The following GRIN3A variants were observed in gnomAD, a reference collection of about 807,000 sequenced individuals.
GRIN3A encodes the protein glutamate receptor ionotropic, NMDA 3A.
A neutral mutation model predicts 92.4 loss-of-function variants in GRIN3A; 47 were observed. The ratio of observed to expected loss-of-function variants is 0.51; its 90% CI spans 0.40 to 0.65. GRIN3A has a LOEUF of 0.65. GRIN3A is among the 30% of genes least tolerant of loss of function. The pLI, the probability that GRIN3A is intolerant of heterozygous loss-of-function variation, is 0.00. For synonymous variants in GRIN3A, 527 were observed against 540.6 expected, an observed-to-expected ratio of 0.97 and a Z score of 0.35; for missense variants, 1,324 against 1,393.1, an observed-to-expected ratio of 0.95 and a Z score of 0.79.
At chr9:101,640,029 C>T (rs1828835079) in intron 3 of GRIN3A, among the ~76,000 whole-genome samples, 1 of 152,100 alleles carries the variant, frequency 6.6e-6, no homozygotes, top group African/African-American at 2.4e-5. Flanking sequence ...AGTGAGTGAG[C>T]CATTATTATG....
intron 3 of GRIN3A, among the ~76,000 whole-genome samples, chr9:101,649,448 T>C (rs543339953): frequency 1.3e-5 from 2 of 152,022 alleles, no homozygotes; most frequent in Non-Finnish European, 2.9e-5. Flanking sequence ...GTGGTTCCCA[T>C]GAGACAGGGC....
chr9:101,684,204 G>T lies in GRIN3A; in HGVS notation c.1304+2392C>A, dbSNP rs182729171. On this transcript the variant is annotated intron_variant, in intron 2 of 8. Transcript: ENST00000361820. ...TGCAACCTCTGCCTCCCAGGTTCAA[G>T]CGATTCTCCTGCATCAGCCTCCCAC... Among the ~76,000 whole-genome samples the T allele has an allele frequency of 9.9e-4, 148 of 150,172 alleles. No homozygotes were observed. The South Asian group carries it at 0.01, about 10-fold the overall frequency.
At chr9:101,651,668 G>GT in intron 3 of GRIN3A, among the ~76,000 whole-genome samples, 1 of 150,342 alleles carries the variant, frequency 6.7e-6, no homozygotes, top group Admixed American at 6.6e-5. Context: ...GTGTGTGTGT[G>GT]GTCATTCTTT....
intron 6 of GRIN3A, among the ~76,000 whole-genome samples, chr9:101,596,758 C>T (rs1828138876): frequency 1.3e-5 from 2 of 152,160 alleles, no homozygotes; most frequent in East Asian, 1.9e-4. Flanking sequence ...AGAAGCTTAA[C>T]ATGAAAGATA....
chr9:101,689,518 A>G (rs1161810849), intron 1 of GRIN3A, among the ~76,000 whole-genome samples: 1 of 152,234 alleles, frequency 6.6e-6, no homozygotes, highest in African/African-American at 2.4e-5. Context: ...TCATATAATC[A>G]CACTCACCCC....
chr9:101,724,775 C>G (rs1431141967), intron 1 of GRIN3A, among the ~76,000 whole-genome samples: 1 of 152,234 alleles, frequency 6.6e-6, no homozygotes, highest in Non-Finnish European at 1.5e-5. Flanking sequence ...GTGCCTTTCA[C>G]CTCCGGCTGT....
At position 101,587,397 on chromosome 9, in the gene GRIN3A, C is replaced by T. The variant is rs763277022; in HGVS notation, c.2767-8037G>A. On this transcript the variant is annotated intron_variant, in intron 6 of 8. Coordinates refer to ENST00000361820, the MANE Select transcript of GRIN3A (RefSeq NM_133445.3). ...TTAAAGGATTAAGGTCCTCTAGCTCCGAGGTGTGAATATAACTTCTTTTGA... is the reference window on the plus strand; with the variant it reads ...TTAAAGGATTAAGGTCCTCTAGCTCTGAGGTGTGAATATAACTTCTTTTGA... 2.3e-4 allele frequency among the ~76,000 whole-genome samples: 35 copies of T among 151,974 alleles called. 1 individual carries two copies. The highest frequency in any genetic ancestry group is 1.5e-3 in the Admixed American group (23 of 15,264).
At chr9:101,644,472 A>AC (rs1564133923) in intron 3 of GRIN3A, among the ~76,000 whole-genome samples, 1 of 151,618 alleles carries the variant, frequency 6.6e-6, no homozygotes, top group Non-Finnish European at 1.5e-5. Context: ...AAAAAAAAAA[A>AC]AAAAAACACA....
chr9:101,595,018 G>T, intron 6 of GRIN3A: 1 of 1,455,756 alleles, frequency 6.9e-7, no homozygotes. Flanking sequence ...TTGGGCCATG[G>T]GGTGGGGGTA....
chr9:101,626,319 C>T (rs964255276), intron 4 of GRIN3A, among the ~76,000 whole-genome samples: 1 of 151,882 alleles, frequency 6.6e-6, no homozygotes, highest in Non-Finnish European at 1.5e-5. Flanking sequence ...AAAGCAGGGC[C>T]CTGAGAGAGC....
chr9:101,734,074 C>T (rs984047763), intron 1 of GRIN3A, among the ~76,000 whole-genome samples: 1 of 152,018 alleles, frequency 6.6e-6, no homozygotes, highest in Non-Finnish European at 1.5e-5. Flanking sequence ...CTAATAGAAC[C>T]AATATGAAGT....
At chr9:101,684,824 A>T (rs989179551) in intron 2 of GRIN3A, among the ~76,000 whole-genome samples, 4 of 152,232 alleles carry the variant, frequency 2.6e-5, no homozygotes, top group Non-Finnish European at 5.9e-5. Flanking sequence ...TGTAGTTTTC[A>T]TAAGTGGTTT....
At chr9:101,649,353 A>AGGG in intron 3 of GRIN3A, among the ~76,000 whole-genome samples, 1 of 152,088 alleles carries the variant, frequency 6.6e-6, no homozygotes, top group Non-Finnish European at 1.5e-5. Context: ...GTAGCCTCCA[A>AGGG]GATCTGTGCA....
chr9:101,737,181 AC>A, intron 1 of GRIN3A, 99 bp downstream of exon 1: 1 of 928,696 alleles, frequency 1.1e-6, no homozygotes, highest in Non-Finnish European at 1.7e-6. Flanking sequence ...TAAAGTAACA[AC>A]TCCCCTCAGA....
chr9:101,691,099 G>A (rs999811631), intron 1 of GRIN3A, among the ~76,000 whole-genome samples: 1 of 151,946 alleles, frequency 6.6e-6, no homozygotes, highest in South Asian at 2.1e-4. Flanking sequence ...AAAAACAAGA[G>A]AATATTAGTA....
rs139178972 is a variant in GRIN3A, at chr9:101,637,124, G to T, written c.2353-8723C>A. On this transcript the variant is annotated intron_variant, in intron 3 of 8. Coordinates refer to ENST00000361820, the MANE Select transcript of GRIN3A (RefSeq NM_133445.3). ...TTTTCTTTTTTTGAGACAGAGTCTC[G>T]CTCTGTCGCCCAGGCTGGAGTGCAG... Among the ~76,000 whole-genome samples the T allele has an allele frequency of 2.5e-3, 382 of 151,528 alleles. 2 individuals are homozygous for T. The highest frequency in any genetic ancestry group is 8.6e-3 in the African/African-American group (356 of 41,254).
intron 3 of GRIN3A, among the ~76,000 whole-genome samples, chr9:101,637,281 G>T (rs2118895260): frequency 6.6e-6 from 1 of 152,194 alleles, no homozygotes; most frequent in Non-Finnish European, 1.5e-5. Context: ...TTTCAGTAGA[G>T]ATGGGGTTTC....
In GRIN3A at chr9:101,669,397, C is replaced by T. The variant is rs146183841; in HGVS notation, c.2352+663G>A. Reference sequence around the variant, plus strand: ...CCTTAGGGTCAGATGTCTAGGATATCAAGGGTACCCTGGATAGACAAAATC... The same window carrying T: ...CCTTAGGGTCAGATGTCTAGGATATTAAGGGTACCCTGGATAGACAAAATC... On this transcript the variant is annotated intron_variant, in intron 3 of 8. Coordinates refer to ENST00000361820, the MANE Select transcript of GRIN3A (RefSeq NM_133445.3). Among the ~76,000 whole-genome samples the T allele has an allele frequency of 5.3e-5, 8 of 152,212 alleles. No individual in the cohort carries two copies. The East Asian group carries it at 1.5e-3, about 29-fold the overall frequency.
chr9:101,573,604 T>C, intron 8 of GRIN3A, 91 bp from the exon 9 acceptor site: 2 of 987,414 alleles, frequency 2.0e-6, no homozygotes, highest in Non-Finnish European at 3.2e-6. Flanking sequence ...TGCAATAATA[T>C]GGAGCTGGGT....
Sources: gnomAD v4.1 joint callset for allele counts (sites outside exome capture counted in the v4.1 genomes callset) on GRCh38, gnomAD v4.1.1 for gene constraint, MANE v1.5 for transcripts, NCBI Gene and HGNC (gene_info 2026-07-23, HGNC 2026-07-21) for gene names.